Variants in PDGFA observed in about 807,000 individuals in gnomAD.
The protein encoded by PDGFA is platelet derived growth factor subunit A, also known as platelet-derived growth factor subunit A.
In PDGFA, 9 loss-of-function variants were observed where a neutral mutation model predicts 25.6. The ratio of observed to expected loss-of-function variants is 0.35; its 90% CI spans 0.21 to 0.61. The LOEUF is 0.61. PDGFA is among the 20% of genes least tolerant of loss of function. The pLI, the probability that PDGFA is intolerant of heterozygous loss-of-function variation, is 0.75. For synonymous variants in PDGFA, 133 were observed against 111.8 expected, an observed-to-expected ratio of 1.19 and a Z score of -1.20; for missense variants, 242 against 272.8, an observed-to-expected ratio of 0.89 and a Z score of 0.79.
intron 5 of PDGFA, among the ~76,000 whole-genome samples, chr7:499,485 A>G (rs1782230332): frequency 6.6e-6 from 1 of 152,192 alleles, no homozygotes; most frequent in Admixed American, 6.5e-5. Flanking sequence ...CAGGCCAGAC[A>G]GGGCTCCAAC....
intron 4 of PDGFA, among the ~76,000 whole-genome samples, chr7:506,484 A>G (rs982226244): frequency 6.6e-6 from 1 of 151,604 alleles, no homozygotes; most frequent in Non-Finnish European, 1.5e-5. Context: ...TCTCACCCGT[A>G]ACACCCCAGC....
chr7:506,175 C>CAAAA lies in PDGFA; in HGVS notation c.453+4630_453+4633dup, dbSNP rs34159199. On this transcript the variant is annotated intron_variant, in intron 4 of 5. Transcript: ENST00000402802. ...TGGGCAACAGAGTGAGACTCTGTCT[C>CAAAA]AAAAAAAAAAAAAAAATCCCTCAAG... Among the ~76,000 whole-genome samples, 510 of 107,320 alleles carry CAAAA rather than the reference C, an allele frequency of 4.8e-3. 8 individuals are homozygous for CAAAA. Among genetic ancestry groups the CAAAA allele is most frequent in the African/African-American group, 0.017 (478 of 27,610 alleles). The allele number at this position is 107,320 out of a possible 152,430, so 70.4% of individuals were successfully genotyped here.
chr7:509,000 C>T (rs1002040349), intron 4 of PDGFA, among the ~76,000 whole-genome samples: 7 of 152,230 alleles, frequency 4.6e-5, no homozygotes, highest in East Asian at 3.9e-4. Flanking sequence ...GCCAGAGAGG[C>T]GCAAACACAG....
intron 2 of PDGFA, among the ~76,000 whole-genome samples, chr7:516,392 G>GC (rs1456831307): frequency 5.3e-5 from 8 of 152,030 alleles, no homozygotes; most frequent in Non-Finnish European, 8.8e-5. Context: ...ATCCCCGCAT[G>GC]CCCCCCCTTT....
chr7:519,044 CG>C, exon 1 of PDGFA: 1 of 1,461,940 alleles, frequency 6.8e-7, no homozygotes. Flanking sequence ...GGCGAGGCCG[CG>C]GGGCGGGCGC....
intron 2 of PDGFA, among the ~76,000 whole-genome samples, chr7:514,162 TTC>T (rs1782984683): frequency 6.6e-6 from 1 of 152,198 alleles, no homozygotes; most frequent in South Asian, 2.1e-4. Context: ...ATGACTTAGC[TTC>T]TGAGTGTGCG....
intron 1 of PDGFA, chr7:518,419 C>T (rs926100694): frequency 6.5e-6 from 1 of 153,064 alleles, no homozygotes; most frequent in African/African-American, 2.4e-5. Context: ...GCTCAGCCAC[C>T]TGTAAGCAGG....
chr7:498,677 C>A, intron 5 of PDGFA, 103 bp from the exon 6 acceptor site: 3 of 1,062,036 alleles, frequency 2.8e-6, no homozygotes, highest in South Asian at 2.7e-5. Flanking sequence ...AACATTTAAC[C>A]CAATCAGGGG....
chr7:509,664 T>A (rs1406663280), intron 4 of PDGFA, among the ~76,000 whole-genome samples: 1 of 151,938 alleles, frequency 6.6e-6, no homozygotes, highest in South Asian at 2.1e-4. Context: ...AGCATGTTCA[T>A]CCCCCGCCCC....
Position 502,565 on chromosome 7 carries a change from C to T in PDGFA, c.454-1323G>A, listed in dbSNP as rs372101343. Among the ~76,000 whole-genome samples, 19 of 152,312 alleles carry T rather than the reference C, an allele frequency of 1.2e-4. 1 individual carries two copies. The East Asian group carries it at 1.9e-3, about 15-fold the overall frequency. ...CTATCAGGCACAGGCAGCTCAAAAGCGAACCAGACCTCAGCTGGGTTCCCC... is the reference window on the plus strand; with the variant it reads ...CTATCAGGCACAGGCAGCTCAAAAGTGAACCAGACCTCAGCTGGGTTCCCC... On this transcript the variant is annotated intron_variant, in intron 4 of 5. Transcript: ENST00000402802.
chr7:511,095 G>A, intron 3 of PDGFA, 99 bp from the exon 4 acceptor site: 3 of 917,600 alleles, frequency 3.3e-6, no homozygotes, highest in South Asian at 3.1e-5. Flanking sequence ...GGGCAACCAG[G>A]GTAAGCCACA....
chr7:520,501 G>A (rs1381523255), upstream of PDGFA: 1 of 152,720 alleles, frequency 6.5e-6, no homozygotes, highest in Non-Finnish European at 1.5e-5. Flanking sequence ...GTCGGGGAAA[G>A]GGCCTGCAGC....
Position 517,939 on chromosome 7 carries a change from A to G in PDGFA, c.64-449T>C, listed in dbSNP as rs2128408014. Among the ~76,000 whole-genome samples the G allele has an allele frequency of 6.6e-6, 1 of 152,102 alleles. No individual in the cohort carries two copies. The highest frequency in any genetic ancestry group is 2.1e-4 in the South Asian group (1 of 4,810). ...ACACTTTAATCCAGGCAGGGCTTAAATTTCACGCCCCGGAATCCCGGGCCG... is the reference window on the plus strand; with the variant it reads ...ACACTTTAATCCAGGCAGGGCTTAAGTTTCACGCCCCGGAATCCCGGGCCG... On this transcript the variant is annotated intron_variant, in intron 1 of 5. Coordinates refer to ENST00000402802, the Ensembl canonical transcript of PDGFA. This position sits in a 1 kb window ranked among gnomAD's most constrained non-coding sequence, Gnocchi z 7.4.
At position 498,312 on chromosome 7, in the gene PDGFA, C is replaced by G. The variant is rs139071678; in HGVS notation, c.*252G>C. The G allele has an allele frequency of 1.5e-3, 702 of 484,130 alleles. 6 individuals are homozygous for G. Among genetic ancestry groups the G allele is most frequent in the African/African-American group, 0.012 (615 of 50,884 alleles). 30.0% of individuals were successfully genotyped at this position (484,130 alleles called of 1,614,324 possible). The stretch of plus-strand genomic sequence containing the variant: ...TTTTTGTCATTTGTGGTTTTGTTTT[C>G]TCTCTCTCTTTCTCTCTCTCTCTTT... On this transcript the variant is annotated 3_prime_UTR_variant, in exon 6 of 6. Coordinates refer to ENST00000402802, the Ensembl canonical transcript of PDGFA.
At chr7:497,726 G>C (rs1220571581) in exon 6 of PDGFA, 2 of 151,862 alleles carry the variant, frequency 1.3e-5, no homozygotes, top group African/African-American at 4.8e-5. Context: ...GAAACATTTA[G>C]GAAATGATGC....
chr7:505,688 C>T (rs1782528865), intron 4 of PDGFA, among the ~76,000 whole-genome samples: 1 of 152,228 alleles, frequency 6.6e-6, no homozygotes, highest in Non-Finnish European at 1.5e-5. Flanking sequence ...GAACACACAG[C>T]ACAGACAAGG....
chr7:511,180 C>T (rs1782813195), intron 3 of PDGFA, among the ~76,000 whole-genome samples, 184 bp from the exon 4 acceptor site: 1 of 151,386 alleles, frequency 6.6e-6, no homozygotes, highest in Non-Finnish European at 1.5e-5. Flanking sequence ...AGGAGCACCA[C>T]ACATCCAGAG....
chr7:513,926 A>C (rs901071386), intron 2 of PDGFA, among the ~76,000 whole-genome samples: 1 of 152,246 alleles, frequency 6.6e-6, no homozygotes, highest in African/African-American at 2.4e-5. Flanking sequence ...AGATCAGAAC[A>C]GAACTACTCA....
At chr7:508,461 T>G (rs1289716628) in intron 4 of PDGFA, among the ~76,000 whole-genome samples, 1 of 145,374 alleles carries the variant, frequency 6.9e-6, no homozygotes, top group Non-Finnish European at 1.5e-5. Context: ...TCAGGAGGCT[T>G]AGGTGGGAGG....
Sources: allele counts gnomAD v4.1 joint callset (sites outside exome capture counted in the v4.1 genomes callset), GRCh38; gene constraint gnomAD v4.1.1; non-coding constraint Gnocchi (gnomAD v3.1); transcripts MANE v1.5; gene names NCBI Gene and HGNC (gene_info 2026-07-23, HGNC 2026-07-21).